Variants in PRELID2 observed in about 807,000 individuals in gnomAD.
The protein encoded by PRELID2 is PRELI domain containing 2.
In PRELID2, 25 loss-of-function variants were observed where a neutral mutation model predicts 28.4. The observed-to-expected ratio is 0.88, with a 90% CI of 0.64 to 1.23. The LOEUF is 1.23. Among genes scored for constraint, PRELID2 ranks in the 50% most tolerant of loss-of-function variants. The probability of loss-of-function intolerance (pLI) is 0.00; values close to 1 mark genes in which losing one functional copy is unlikely to be tolerated. For synonymous variants in PRELID2, 76 were observed against 71.6 expected, an observed-to-expected ratio of 1.06 and a Z score of -0.31; for missense variants, 201 against 214.4, an observed-to-expected ratio of 0.94 and a Z score of 0.39.
At chr5:145,371,847 CTTCT>C in the PRELID2 span, among the ~76,000 whole-genome samples, 2 of 143,460 alleles carry the variant, frequency 1.4e-5, no homozygotes, top group African/African-American at 5.2e-5. Context: ...TCTCTCTTTT[CTTCT>C]TTATTAGTCT....
At chr5:145,416,104 C>A in the PRELID2 span, among the ~76,000 whole-genome samples, 2 of 152,056 alleles carry the variant, frequency 1.3e-5, no homozygotes, top group South Asian at 4.1e-4. Flanking sequence ...TGTTCATATC[C>A]TTCACCCACT....
At chr5:145,745,088 G>A (rs1023528971) in intron 1 of PRELID2, among the ~76,000 whole-genome samples, 82 of 151,748 alleles carry the variant, frequency 5.4e-4, no homozygotes, top group Middle Eastern at 3.2e-3. Flanking sequence ...TAGCTGAATC[G>A]ACCAAGCAGA....
At chr5:145,577,741 T>G (rs1380150072) in intron 1 of PRELID2, among the ~76,000 whole-genome samples, 1 of 152,124 alleles carries the variant, frequency 6.6e-6, no homozygotes, top group African/African-American at 2.4e-5. Context: ...AATATTTGGG[T>G]TCTTTTTAAT....
At chr5:145,755,796 A>C (rs338884), downstream of PRELID2, among the ~76,000 whole-genome samples, 115,748 of 152,050 alleles carry the variant, frequency 0.76, 46,044 homozygotes, top group East Asian at 0.88. Context: ...GCAGATGCTC[A>C]ATAAATGCTG....
chr5:145,593,557 C>T lies in PRELID2; in HGVS notation n.71-120242G>A, dbSNP rs10046079. Among the ~76,000 whole-genome samples the T allele has an allele frequency of 1.4e-4, 22 of 151,994 alleles. No individual in the cohort carries two copies. In the East Asian group the frequency reaches 4.2e-3, roughly 29 times the overall value. ...AAAACATTATAGGCAACTTTTGAAT[C>T]CTAAGGAATCAACTCATTAGACAGA... On this transcript the variant is annotated intron_variant and non_coding_transcript_variant, in intron 1 of 2. Transcript: ENST00000510259.
At chr5:145,431,021 T>TG in the PRELID2 span, among the ~76,000 whole-genome samples, 13 of 146,926 alleles carry the variant, frequency 8.8e-5, no homozygotes, top group African/African-American at 3.3e-4. Context: ...TTTTTTTTTT[T>TG]TTTTTTTTTT....
At chr5:145,282,449 C>T in the PRELID2 span, among the ~76,000 whole-genome samples, 1,269 of 151,786 alleles carry the variant, frequency 8.4e-3, 15 homozygotes, top group African/African-American at 0.029. Context: ...GTCTGATTTT[C>T]TCTGTTTAAC....
At chr5:145,712,610 T>C (rs1308969396) in intron 1 of PRELID2, among the ~76,000 whole-genome samples, 1 of 152,196 alleles carries the variant, frequency 6.6e-6, no homozygotes, top group Non-Finnish European at 1.5e-5. Flanking sequence ...TACTGTTCTT[T>C]TATATATAAT....
chr5:145,819,572 T>C, intron 3 of PRELID2: 1 of 583,180 alleles, frequency 1.7e-6, no homozygotes, highest in Non-Finnish European at 3.0e-6. Context: ...GAAGTTTTTC[T>C]CTTTCTTATT....
At chr5:145,601,869 A>G (rs1753403008) in intron 1 of PRELID2, among the ~76,000 whole-genome samples, 1 of 152,162 alleles carries the variant, frequency 6.6e-6, no homozygotes, top group Non-Finnish European at 1.5e-5. Context: ...ACAAATAATG[A>G]TATTATTAGC....
At chr5:145,275,594 T>C in the PRELID2 span, among the ~76,000 whole-genome samples, 2 of 152,038 alleles carry the variant, frequency 1.3e-5, no homozygotes, top group African/African-American at 2.4e-5. Flanking sequence ...GTGCAATGAG[T>C]ATGGAGCCAT....
At chr5:145,495,160 T>C (rs1215321285) in intron 1 of PRELID2, among the ~76,000 whole-genome samples, 1 of 152,150 alleles carries the variant, frequency 6.6e-6, no homozygotes, top group Non-Finnish European at 1.5e-5. Context: ...CTCAATCCAG[T>C]AGTCATTTCT....
At chr5:145,763,181 C>A (rs1468045951) in intron 6 of PRELID2, among the ~76,000 whole-genome samples, 6 of 152,216 alleles carry the variant, frequency 3.9e-5, no homozygotes, top group Non-Finnish European at 8.8e-5. Flanking sequence ...TACCTTGGAG[C>A]TGACTCGAGA....
intron 1 of PRELID2, among the ~76,000 whole-genome samples, chr5:145,618,752 A>G (rs770006911): frequency 1.3e-5 from 2 of 152,272 alleles, no homozygotes; most frequent in African/African-American, 2.4e-5. Context: ...TCTCAAGTAT[A>G]TATGCCCTTT....
chr5:145,746,867 G>T (rs1242112284), intron 1 of PRELID2, among the ~76,000 whole-genome samples: 1 of 152,128 alleles, frequency 6.6e-6, no homozygotes, highest in Non-Finnish European at 1.5e-5. Flanking sequence ...TTAAACTCAG[G>T]ATTAAGAAAC....
chr5:145,801,829 C>G (rs930259928), intron 4 of PRELID2, among the ~76,000 whole-genome samples: 1 of 152,136 alleles, frequency 6.6e-6, no homozygotes, highest in African/African-American at 2.4e-5. Context: ...TCTAAACATC[C>G]AGTAAGTCAC....
the PRELID2 span, among the ~76,000 whole-genome samples, chr5:145,412,472 A>C: frequency 6.6e-6 from 1 of 152,286 alleles, no homozygotes; most frequent in East Asian, 1.9e-4. Flanking sequence ...CCTGGACTTC[A>C]TTGTTCATAT....
intron 1 of PRELID2, among the ~76,000 whole-genome samples, chr5:145,487,988 A>G (rs7735693): frequency 0.6 from 91,147 of 151,040 alleles, 28,253 homozygotes; most frequent in East Asian, 1. Flanking sequence ...GCCGGGCGTG[A>G]TGGTGCATAC....
At chr5:145,631,822 G>A (rs1172466712) in intron 1 of PRELID2, among the ~76,000 whole-genome samples, 1 of 152,050 alleles carries the variant, frequency 6.6e-6, no homozygotes. Context: ...TTTATTTGTA[G>A]TTTAACTCTA....
Sources: allele counts gnomAD v4.1 joint callset (sites outside exome capture counted in the v4.1 genomes callset), GRCh38; gene constraint gnomAD v4.1.1; transcripts MANE v1.5; gene names NCBI Gene and HGNC (gene_info 2026-07-23, HGNC 2026-07-21).